PER3: variants seen among roughly 807,000 people sequenced by gnomAD.
PER3 encodes the protein period circadian regulator 3.
Under a neutral mutation model 127.2 loss-of-function variants are expected in PER3, and 107 were observed. The ratio of observed to expected loss-of-function variants is 0.84; its 90% confidence interval spans 0.72 to 0.99. PER3 has a LOEUF of 0.99. Ranked by LOEUF, PER3 falls within the 50% of genes least tolerant of loss-of-function variation. The pLI is 0.00. For missense variants in PER3, 1,560 were observed against 1,525.8 expected, an observed-to-expected ratio of 1.02 and a Z score of -0.37; for synonymous variants, 618 against 585.8, an observed-to-expected ratio of 1.05 and a Z score of -0.79.
At position 7,811,852 on chromosome 1, in the gene PER3, T is replaced by A. The variant is rs1184709941; in HGVS notation, c.1522+1264T>A. On this transcript the variant is annotated intron_variant, in intron 13 of 21. Coordinates refer to ENST00000377532, the MANE Select transcript of PER3 (RefSeq NM_001377275.1). ...ACAGAGCAAGTCCTGTTCTTTCATT[T>A]TTTTTCTTTTCACCTCGATAGGAAG... 5.9e-5 allele frequency among the ~76,000 whole-genome samples: 9 copies of A among 152,184 alleles called. No homozygotes were observed. The South Asian group carries it at 1.9e-3, about 32-fold the overall frequency.
At chr1:7,787,943 T>G (rs1017983072) in intron 4 of PER3, 102 bp from the exon 5 acceptor site, 1 of 819,146 alleles carries the variant, frequency 1.2e-6, no homozygotes, top group Middle Eastern at 3.3e-4. Flanking sequence ...CTGTGTATTT[T>G]AAGATACTGG....
Position 7,827,449 on chromosome 1 carries a change from C to G in PER3, c.2520C>G (p.Gly840=), listed in dbSNP as rs143859001. 6.2e-7 allele frequency: 1 copy of G among 1,614,072 alleles called. No individual in the cohort carries two copies. The highest frequency in any genetic ancestry group is 1.3e-5 in the African/African-American group (1 of 74,948). ...EGLHGLPLSE[G]LQPYPAFPFP... ...TGCATGGGCTGCCCTTGTCCGAGGG[C>G]TTGCAGCCTTACCCAGCTTTCCCTT... Residue 840 remains glycine, a synonymous_variant, in exon 18 of 22, where the codon GGC becomes GGG. Coordinates refer to ENST00000377532, the MANE Select transcript of PER3 (RefSeq NM_001377275.1).
At chr1:7,835,087 A>G (rs1279995131) in intron 19 of PER3, among the ~76,000 whole-genome samples, 2 of 152,186 alleles carry the variant, frequency 1.3e-5, no homozygotes, top group Admixed American at 1.3e-4. Context: ...TCCTTAAAAA[A>G]TAGGTGAGAT....
At chr1:7,788,510 G>A (rs1382563784) in intron 5 of PER3, 2 of 369,734 alleles carry the variant, frequency 5.4e-6, no homozygotes. Flanking sequence ...TTGTATAGTG[G>A]TTTAGTTGCT....
At chr1:7,821,051 C>T (rs1380647763) in intron 16 of PER3, among the ~76,000 whole-genome samples, 2 of 152,190 alleles carry the variant, frequency 1.3e-5, no homozygotes, top group African/African-American at 2.4e-5. Context: ...GTCACACATA[C>T]CTTCAGATTT....
intron 5 of PER3, among the ~76,000 whole-genome samples, chr1:7,791,884 T>A (rs181876130): frequency 1.2e-3 from 179 of 152,324 alleles, no homozygotes; most frequent in African/African-American, 4.2e-3. Context: ...CTGCACTTCA[T>A]TGTCCATATC....
chr1:7,806,791 C>G (rs1400956366), intron 10 of PER3, among the ~76,000 whole-genome samples: 1 of 47,314 alleles, frequency 2.1e-5, no homozygotes, highest in African/African-American at 9.1e-5. Context: ...AAGACCCTGT[C>G]TCTTAAAAAA....
At chr1:7,837,650 G>A (rs2097364623) in intron 21 of PER3, among the ~76,000 whole-genome samples, 1 of 152,226 alleles carries the variant, frequency 6.6e-6, no homozygotes, top group East Asian at 1.9e-4. Context: ...AGCCTGAACA[G>A]TAAAGCTTTG....
In PER3 at chr1:7,842,760, CTG is replaced by C; in HGVS notation, c.*8_*9del. 6.2e-7 allele frequency: 1 copy of C among 1,611,614 alleles called. No homozygotes were observed. Among genetic ancestry groups the C allele is most frequent in the Non-Finnish European group, 8.5e-7 (1 of 1,178,162 alleles). ...CTGGTAGAAGACAGCTGTTGAGTGACTGTGAGGATGAACCTTCATACCCTTTC... is the reference window on the plus strand; with the variant it reads ...CTGGTAGAAGACAGCTGTTGAGTGACTGAGGATGAACCTTCATACCCTTTC... On this transcript the variant is annotated 3_prime_UTR_variant, in exon 22 of 22. Coordinates refer to ENST00000377532, the MANE Select transcript of PER3 (RefSeq NM_001377275.1).
At position 7,825,645 on chromosome 1, in the gene PER3, G is replaced by A. The variant is rs554880613; in HGVS notation, c.1958-835G>A. On this transcript the variant is annotated intron_variant, in intron 16 of 21. Coordinates refer to ENST00000377532, the MANE Select transcript of PER3 (RefSeq NM_001377275.1). ...GGTGGCTCATGCCTATAATCCCAGC[G>A]CTTTGGGAGTCCAAGGCAGATGGAT... Among the ~76,000 whole-genome samples, 209 of 152,252 alleles carry A rather than the reference G, an allele frequency of 1.4e-3. 1 individual carries two copies. The highest frequency in any genetic ancestry group is 3.0e-3 in the Admixed American group (46 of 15,292).
chr1:7,794,981 T>C (rs926320825), intron 6 of PER3, among the ~76,000 whole-genome samples: 1 of 152,138 alleles, frequency 6.6e-6, no homozygotes, highest in South Asian at 2.1e-4. Flanking sequence ...AGTTTTAGTA[T>C]TGAAGTTACT....
intron 8 of PER3, among the ~76,000 whole-genome samples, chr1:7,802,839 T>C (rs228641): frequency 0.97 from 147,238 of 152,334 alleles, 71,177 homozygotes; most frequent in East Asian, 1. Context: ...GATTTTGATG[T>C]AATGTGTCAG....
chr1:7,798,398 G>A, intron 6 of PER3, 127 bp from the exon 7 acceptor site: 1 of 714,672 alleles, frequency 1.4e-6, no homozygotes, highest in East Asian at 2.6e-5. Context: ...AAACAAACAT[G>A]TTTAAACATT....
At position 7,827,248 on chromosome 1, in the gene PER3, G is replaced by A; in HGVS notation, c.2319G>A (p.Gln773=). The A allele has an allele frequency of 1.2e-6, 2 of 1,613,990 alleles. No individual in the cohort carries two copies. The highest frequency in any genetic ancestry group is 1.6e-4 in the Middle Eastern group (1 of 6,062). The part of the protein sequence containing the change: ...TGSGPRRGAH[Q]NAQPCCPSAA... ...CTGGTCCCCGCAGGGGAGCGCATCA[G>A]AACGCACAGCCCTGCTGCCCCTCCG... The change falls in exon 18 of 22, where the codon CAG becomes CAA. Residue 773 remains glutamine, a synonymous_variant. Transcript: ENST00000377532.
intron 13 of PER3, among the ~76,000 whole-genome samples, chr1:7,816,662 T>A (rs1239687310): frequency 6.6e-6 from 1 of 152,160 alleles, no homozygotes; most frequent in African/African-American, 2.4e-5. Flanking sequence ...TAAGTTTTTT[T>A]AAAAAACTGA....
At chr1:7,792,900 T>C (rs2097128458) in intron 5 of PER3, among the ~76,000 whole-genome samples, 1 of 152,214 alleles carries the variant, frequency 6.6e-6, no homozygotes, top group Non-Finnish European at 1.5e-5. Flanking sequence ...CCAGGACTTC[T>C]AGTGAGTGCA....
chr1:7,828,792 G>A (rs1271169127), intron 18 of PER3, among the ~76,000 whole-genome samples: 3 of 152,138 alleles, frequency 2.0e-5, no homozygotes, highest in African/African-American at 4.8e-5. Flanking sequence ...CTTACTCTGA[G>A]GGCTAAATGA....
chr1:7,820,388 C>G, intron 15 of PER3, 79 bp from the exon 16 acceptor site: 1 of 1,461,024 alleles, frequency 6.8e-7, no homozygotes, highest in Non-Finnish European at 9.3e-7. Context: ...CAGTTACAAA[C>G]TTCTGTAAAC....
At chr1:7,836,764 G>A (rs2097360476) in intron 20 of PER3, 4 of 357,250 alleles carry the variant, frequency 1.1e-5, no homozygotes, top group Non-Finnish European at 1.5e-5. Flanking sequence ...AAGAGCTAAG[G>A]GAAATCTCTT....
Sources: gnomAD v4.1 joint callset for allele counts (sites outside exome capture counted in the v4.1 genomes callset) on GRCh38, gnomAD v4.1.1 for gene constraint, MANE v1.5 for transcripts, NCBI Gene and HGNC (gene_info 2026-07-23, HGNC 2026-07-21) for gene names.